ATP11C: variants seen among roughly 807,000 people sequenced by gnomAD.
The protein encoded by ATP11C is phospholipid-transporting ATPase IG.
ATP11C carries 36 observed loss-of-function variants against 97.4 expected under a neutral mutation model. The observed-to-expected ratio is 0.37, with a 90% confidence interval of 0.28 to 0.49. The LOEUF (loss-of-function observed/expected upper bound fraction) is 0.49, where lower values mean the gene tolerates loss of function less well. Among genes scored for constraint, ATP11C ranks in the 20% least tolerant of loss-of-function variants. ATP11C has a pLI of 0.98. For missense variants in ATP11C, 730 were observed against 824.6 expected (o/e 0.89, Z 1.40); for synonymous variants, 275 against 290.9 (o/e 0.95, Z 0.56).
rs892407139 is a variant in ATP11C, at chrX:139,846,090, G to A, written c.28-19267C>T. ...ATTTAAAAGAAAAGTTGCAATAAAGGGCCATGCAATGCTTGACCTTGAGAA... is the reference window on the plus strand; with the variant it reads ...ATTTAAAAGAAAAGTTGCAATAAAGAGCCATGCAATGCTTGACCTTGAGAA... On this transcript the variant is annotated intron_variant, in intron 1 of 29. Coordinates refer to ENST00000682941, the MANE Select transcript of ATP11C (RefSeq NM_001353812.2). 2.7e-5 allele frequency among the ~76,000 whole-genome samples: 3 copies of A among 111,664 alleles called. No homozygotes were observed. In the Admixed American group the frequency reaches 2.9e-4, roughly 11 times the overall value.
In ATP11C at chrX:139,798,643, A is replaced by G. The variant is rs767883344; in HGVS notation, c.775+36T>C. 6 of 1,056,414 alleles carry G rather than the reference A, an allele frequency of 5.7e-6. No homozygotes were observed. The Admixed American group carries it at 1.2e-4, about 20-fold the overall frequency. The allele number at this position is 1,056,414 out of a possible 1,213,427, so 87.1% of individuals were successfully genotyped here. On this transcript the variant is annotated intron_variant, in intron 9 of 29. Transcript: ENST00000682941. ...TATTTATTCACAGCCTTTACAAAGC[A>G]TATTTTTTGATAGGTGTATCTTAAA...
At chrX:139,754,373 G>A (rs760760799) in intron 23 of ATP11C, among the ~76,000 whole-genome samples, 1 of 111,261 alleles carries the variant, frequency 9.0e-6, no homozygotes, top group South Asian at 3.8e-4. Flanking sequence ...AAAAGCTCAG[G>A]ACCAGATGGA....
At chrX:139,873,573 T>TG (rs1302160590) in intron 1 of ATP11C, among the ~76,000 whole-genome samples, 3 of 107,573 alleles carry the variant, frequency 2.8e-5, no homozygotes, top group Non-Finnish European at 5.7e-5. Flanking sequence ...CCAGGAGTGG[T>TG]GGTGGGTGCC....
intron 16 of ATP11C, among the ~76,000 whole-genome samples, chrX:139,784,269 G>GT (rs376184324): frequency 9.3e-4 from 99 of 106,602 alleles, no homozygotes; most frequent in African/African-American, 2.5e-3. Flanking sequence ...GAAATGTTGT[G>GT]TTTTTTTTTT....
intron 18 of ATP11C, among the ~76,000 whole-genome samples, chrX:139,779,681 G>C (rs1470197818): frequency 1.3e-4 from 15 of 111,355 alleles, no homozygotes; most frequent in Admixed American, 9.6e-4. Context: ...AAAGGAACTA[G>C]AAAAACAAAA....
intron 1 of ATP11C, among the ~76,000 whole-genome samples, chrX:139,846,500 C>T (rs745955317): frequency 5.0e-4 from 56 of 111,818 alleles, no homozygotes; most frequent in Non-Finnish European, 8.7e-4. Flanking sequence ...GTTTACTTTA[C>T]TTTTGCTGCT....
chrX:139,848,858 T>C (rs1215510241), intron 1 of ATP11C, among the ~76,000 whole-genome samples: 1 of 112,038 alleles, frequency 8.9e-6, no homozygotes, highest in Non-Finnish European at 1.9e-5. Context: ...CCAGGACCAA[T>C]CTCGCAAACT....
chrX:139,841,257 T>C (rs749509967), intron 1 of ATP11C, among the ~76,000 whole-genome samples: 5 of 112,500 alleles, frequency 4.4e-5, no homozygotes, highest in South Asian at 3.7e-4. Flanking sequence ...TGTTGGGTCA[T>C]AGTCTCTACA....
intron 20 of ATP11C, among the ~76,000 whole-genome samples, chrX:139,764,954 G>T (rs763595748): frequency 2.8e-4 from 31 of 112,006 alleles, no homozygotes; most frequent in Non-Finnish European, 5.8e-4. Flanking sequence ...GGTTAACTAA[G>T]TGCACCTGTT....
intron 19 of ATP11C, 22 bp from the exon 20 acceptor site, chrX:139,768,456 A>G (rs761803123): frequency 3.5e-5 from 36 of 1,020,462 alleles, no homozygotes; most frequent in Admixed American, 7.2e-5. Flanking sequence ...AAACAATGCT[A>G]TGTTTGGATT....
At chrX:139,768,818 C>G (rs1168360677) in intron 19 of ATP11C, among the ~76,000 whole-genome samples, 2 of 108,754 alleles carry the variant, frequency 1.8e-5, no homozygotes, top group Admixed American at 1.0e-4. Flanking sequence ...GGGCCTGATT[C>G]AGTCACTTGA....
rs757164616 is a variant in ATP11C at position 139,790,689 on chromosome X, A to G, written c.1207-1201T>C. Among the ~76,000 whole-genome samples, 4 of 111,826 alleles carry G rather than the reference A, an allele frequency of 3.6e-5. No homozygotes were observed. The South Asian group carries it at 1.5e-3, about 41-fold the overall frequency. On this transcript the variant is annotated intron_variant, in intron 12 of 29. Transcript: ENST00000682941. The stretch of plus-strand genomic sequence containing the variant: ...TATAATATACATAAGAATTAATAAC[A>G]ACATTAACAGTTACCTAATTGGAAG...
chrX:139,820,190 G>GC (rs1357833075), intron 2 of ATP11C, among the ~76,000 whole-genome samples: 10 of 89,633 alleles, frequency 1.1e-4, no homozygotes, highest in African/African-American at 5.7e-4. Flanking sequence ...AGACTCCGTC[G>GC]CCAAAAAAAA....
rs954560197 is a variant in ATP11C, at chrX:139,807,951, C to CT, written c.427-3353dup. 2.1e-4 allele frequency among the ~76,000 whole-genome samples: 16 copies of CT among 76,390 alleles called. No individual in the cohort carries two copies. The East Asian group carries it at 2.3e-3, about 11-fold the overall frequency. 66.3% of individuals were successfully genotyped at this position (76,390 alleles called of 115,157 possible). ...TGGGCAACAGAGTAAGACCCTGTCTCTTAAAAAAAAAAAAAAAAAAAAGAT... is the reference window on the plus strand; with the variant it reads ...TGGGCAACAGAGTAAGACCCTGTCTCTTTAAAAAAAAAAAAAAAAAAAAGAT... On this transcript the variant is annotated intron_variant, in intron 5 of 29. Transcript: ENST00000682941.
chrX:139,791,572 CAG>C (rs1325289534), intron 12 of ATP11C, among the ~76,000 whole-genome samples: 4 of 111,683 alleles, frequency 3.6e-5, no homozygotes, highest in Non-Finnish European at 5.6e-5. Context: ...GCTCTATCAC[CAG>C]AGTTTCTGAA....
At chrX:139,889,527 T>C (rs996243566) in intron 1 of ATP11C, among the ~76,000 whole-genome samples, 10 of 111,814 alleles carry the variant, frequency 8.9e-5, no homozygotes, top group African/African-American at 2.9e-4. Flanking sequence ...TCAAAATTCA[T>C]CGATTTTTAC....
At chrX:139,894,588 TAAC>T (rs2084777764) in intron 1 of ATP11C, among the ~76,000 whole-genome samples, 1 of 111,018 alleles carries the variant, frequency 9.0e-6, no homozygotes. Flanking sequence ...TGACTATAGT[TAAC>T]AATAATCTAC....
intron 1 of ATP11C, among the ~76,000 whole-genome samples, chrX:139,870,487 A>G (rs920813219): frequency 4.3e-4 from 48 of 112,462 alleles, no homozygotes; most frequent in African/African-American, 1.5e-3. Flanking sequence ...TCTTTAAAAA[A>G]GTTTTTATGT....
intron 23 of ATP11C, 85 bp from the exon 24 acceptor site, chrX:139,750,237 C>G: frequency 8.3e-6 from 8 of 967,257 alleles, no homozygotes; most frequent in Non-Finnish European, 1.1e-5. Context: ...GAAAAACTTA[C>G]TAGCTAAAAT....
Sources: allele counts gnomAD v4.1 joint callset (sites outside exome capture counted in the v4.1 genomes callset), GRCh38; gene constraint gnomAD v4.1.1; transcripts MANE v1.5; gene names NCBI Gene and HGNC (gene_info 2026-07-23, HGNC 2026-07-21).